Variants in AUH observed in about 807,000 individuals in gnomAD.
The protein encoded by AUH is AU RNA binding methylglutaconyl-CoA hydratase, also known as methylglutaconyl-CoA hydratase, mitochondrial.
Under a neutral mutation model 42.3 loss-of-function variants are expected in AUH, and 29 were observed. The ratio of observed to expected loss-of-function variants is 0.69; its 90% CI spans 0.51 to 0.93. The LOEUF (loss-of-function observed/expected upper bound fraction) is 0.93. Ranked by LOEUF, AUH falls within the 40% of genes least tolerant of loss-of-function variation. The probability of loss-of-function intolerance (pLI) is 0.00; values close to 1 mark genes in which losing one functional copy is unlikely to be tolerated. For synonymous variants in AUH, 174 were observed against 166.4 expected, an observed-to-expected ratio of 1.05 and a Z score of -0.35; for missense variants, 452 against 438.1, an observed-to-expected ratio of 1.03 and a Z score of -0.28.
chr9:91,274,843 A>C (rs1304721745), intron 6 of AUH, among the ~76,000 whole-genome samples: 2 of 152,226 alleles, frequency 1.3e-5, no homozygotes, highest in Non-Finnish European at 2.9e-5. Flanking sequence ...AATTTTGCTA[A>C]AGAAGGCTAT....
At chr9:91,286,551 C>T (rs1826421307) in intron 6 of AUH, among the ~76,000 whole-genome samples, 1 of 152,112 alleles carries the variant, frequency 6.6e-6, no homozygotes, top group East Asian at 1.9e-4. Context: ...GATATTATCA[C>T]CCAAAGTGGG....
chr9:91,234,389 G>A (rs753950092), intron 6 of AUH, among the ~76,000 whole-genome samples: 4 of 152,168 alleles, frequency 2.6e-5, no homozygotes, highest in Non-Finnish European at 5.9e-5. Context: ...GGTATAGACT[G>A]TCTAGTTCTG....
At chr9:91,328,815 A>G (rs1010114412) in intron 3 of AUH, among the ~76,000 whole-genome samples, 1 of 152,248 alleles carries the variant, frequency 6.6e-6, no homozygotes, top group African/African-American at 2.4e-5. Flanking sequence ...CACTTTAAGT[A>G]TAGAATTCAA....
chr9:91,225,656 T>A (rs1173160677), intron 6 of AUH, among the ~76,000 whole-genome samples: 1 of 151,178 alleles, frequency 6.6e-6, no homozygotes, highest in Non-Finnish European at 1.5e-5. Context: ...ACCCACTAAC[T>A]CGTCATCTAG....
chr9:91,309,789 G>A (rs1828559618), intron 4 of AUH, among the ~76,000 whole-genome samples: 1 of 152,134 alleles, frequency 6.6e-6, no homozygotes, highest in Admixed American at 6.5e-5. Context: ...TAACAAACCT[G>A]CACATGTATC....
chr9:91,361,837 C>T lies in AUH; in HGVS notation c.53G>A (p.Gly18Asp). The stretch of plus-strand genomic sequence containing the variant: ...GCAAGCGGCCACCAGGCGGGCGCCG[C>T]CAGCATGCAGGGATCCCAAGGCCCC... ...APGALGSLHA[G>D]GARLVAACSA... is the part of the protein sequence containing the mutation. The change falls in exon 1 of 10, where the codon GGC becomes GAC. Residue 18 changes from glycine (G) to aspartate (D), a missense_variant. Physicochemically the swap from Gly to Asp is moderately conservative, Grantham distance 94. Transcript: ENST00000375731. The T allele has an allele frequency of 6.7e-7, 1 of 1,501,540 alleles. No individual in the cohort carries two copies. The allele number at this position is 1,501,540 out of a possible 1,614,324, so 93.0% of individuals were successfully genotyped here. A position where few individuals can be genotyped will look rare whatever the true frequency, so the allele number is the denominator to read the frequency against.
At chr9:91,361,576 G>A in intron 1 of AUH, 52 bp downstream of exon 1, 3 of 1,549,982 alleles carry the variant, frequency 1.9e-6, no homozygotes, top group Non-Finnish European at 2.6e-6. Context: ...TGCCCGTCCT[G>A]AGAGCGAGCG....
At chr9:91,221,643 A>G (rs1172686122) in intron 6 of AUH, among the ~76,000 whole-genome samples, 1 of 152,182 alleles carries the variant, frequency 6.6e-6, no homozygotes, top group Non-Finnish European at 1.5e-5. Context: ...TGGAGTCAGA[A>G]GCCATGCATT....
At chr9:91,270,480 G>A (rs570905484) in intron 6 of AUH, among the ~76,000 whole-genome samples, 7 of 152,202 alleles carry the variant, frequency 4.6e-5, no homozygotes, top group African/African-American at 1.4e-4. Context: ...AGCAACAAAC[G>A]TCTACTGTAG....
chr9:91,334,780 G>A (rs561103414), intron 3 of AUH, among the ~76,000 whole-genome samples: 7 of 152,256 alleles, frequency 4.6e-5, no homozygotes, highest in South Asian at 4.1e-4. Flanking sequence ...GGGTTATTAC[G>A]CAGTGATTAA....
intron 6 of AUH, among the ~76,000 whole-genome samples, chr9:91,265,336 C>T (rs1829915997): frequency 7.3e-6 from 1 of 136,530 alleles, no homozygotes. Flanking sequence ...ACTTCATTTT[C>T]TCACATTTCT....
Position 91,217,259 on chromosome 9 carries a change from A to G in AUH, c.894+18T>C. 2 of 1,610,508 alleles carry G rather than the reference A, an allele frequency of 1.2e-6. No individual in the cohort carries two copies. Among genetic ancestry groups the G allele is most frequent in the Non-Finnish European group, 1.7e-6 (2 of 1,176,872 alleles). On this transcript the variant is annotated intron_variant, in intron 8 of 9. Transcript: ENST00000375731. ...CACTCTCCATTCCCAAAACAAACTC[A>G]AGCATTAAGGAACCTACCTCCATCC...
chr9:91,308,061 CACAGAACAAACCAGAGAAGCACCTA>C (rs1828369142), intron 4 of AUH, among the ~76,000 whole-genome samples: 2 of 152,180 alleles, frequency 1.3e-5, no homozygotes, highest in South Asian at 4.1e-4. Flanking sequence ...TAAACCCACA[CACAGAACAAACCAGAGAAGCACCTA>C]ACATAGTTAA....
At chr9:91,312,750 T>A (rs1828803652) in intron 4 of AUH, among the ~76,000 whole-genome samples, 1 of 151,968 alleles carries the variant, frequency 6.6e-6, no homozygotes, top group Non-Finnish European at 1.5e-5. Flanking sequence ...CAAAAAAAAA[T>A]TCCTGAAAAT....
intron 3 of AUH, among the ~76,000 whole-genome samples, chr9:91,332,483 C>G (rs545244387): frequency 6.6e-6 from 1 of 152,276 alleles, no homozygotes; most frequent in East Asian, 1.9e-4. Flanking sequence ...GCCTGGGCAA[C>G]AGAGCAAGAC....
At chr9:91,317,048 C>T (rs1009468406) in intron 4 of AUH, among the ~76,000 whole-genome samples, 2 of 152,206 alleles carry the variant, frequency 1.3e-5, no homozygotes, top group Non-Finnish European at 2.9e-5. Context: ...ATCAACTTCC[C>T]CACTTGGGTG....
chr9:91,216,439 GACACACACACACACAC>G (rs113531404), intron 8 of AUH, among the ~76,000 whole-genome samples: 1 of 149,528 alleles, frequency 6.7e-6, no homozygotes, highest in African/African-American at 2.5e-5. Flanking sequence ...TTTATGTCGC[GACACACACACACACAC>G]ACACACACGA....
chr9:91,235,747 C>T (rs931333273), intron 6 of AUH, among the ~76,000 whole-genome samples: 1 of 152,182 alleles, frequency 6.6e-6, no homozygotes, highest in African/African-American at 2.4e-5. Context: ...TTCAATAAAG[C>T]TATGTCTGCA....
chr9:91,328,754 C>A (rs532193330), intron 3 of AUH, among the ~76,000 whole-genome samples: 2 of 152,338 alleles, frequency 1.3e-5, no homozygotes, highest in African/African-American at 4.8e-5. Context: ...ATTCAATATT[C>A]ATTCCTTAAC....
Sources: gnomAD v4.1 joint callset for allele counts (sites outside exome capture counted in the v4.1 genomes callset) on GRCh38, gnomAD v4.1.1 for gene constraint, MANE v1.5 for transcripts, NCBI Gene and HGNC (gene_info 2026-07-23, HGNC 2026-07-21) for gene names.